Variants in KLHL1 observed in about 807,000 individuals in gnomAD.
The protein encoded by KLHL1 is kelch-like protein 1.
KLHL1 carries 47 observed loss-of-function variants against 77.7 expected under a neutral mutation model. The observed-to-expected ratio is 0.60, with a 90% confidence interval of 0.48 to 0.77. The LOEUF (loss-of-function observed/expected upper bound fraction) is 0.77, where lower values mean the gene tolerates loss of function less well. Ranked by LOEUF, KLHL1 falls within the 30% of genes least tolerant of loss-of-function variation. The probability of loss-of-function intolerance (pLI) is 0.00; values close to 1 mark genes in which losing one functional copy is unlikely to be tolerated. For missense variants in KLHL1, 925 were observed against 910.8 expected (o/e 1.02, Z -0.20); for synonymous variants, 360 against 325.2 (o/e 1.11, Z -1.15).
chr13:69,952,991 T>C (rs1358775302), intron 3 of KLHL1, among the ~76,000 whole-genome samples: 1 of 151,380 alleles, frequency 6.6e-6, no homozygotes, highest in Non-Finnish European at 1.5e-5. Context: ...ATGGTTATTA[T>C]TTAAAAACAT....
intron 6 of KLHL1, among the ~76,000 whole-genome samples, chr13:69,829,005 G>T (rs1018311131): frequency 1.5e-4 from 22 of 150,324 alleles, no homozygotes; most frequent in Non-Finnish European, 4.4e-5. Context: ...TCTCTTAGGA[G>T]CTCTAAGGCC....
chr13:69,893,309 A>G (rs1383918637), intron 4 of KLHL1, among the ~76,000 whole-genome samples: 1 of 145,734 alleles, frequency 6.9e-6, no homozygotes, highest in Non-Finnish European at 1.5e-5. Flanking sequence ...ATCTCGGCTC[A>G]CTGCAAGCTC....
intron 8 of KLHL1, among the ~76,000 whole-genome samples, chr13:69,729,555 CAA>C (rs946045417): frequency 6.6e-6 from 1 of 151,580 alleles, no homozygotes; most frequent in Non-Finnish European, 1.5e-5. Flanking sequence ...AAAAAACAAA[CAA>C]AAAAATGTAA....
intron 8 of KLHL1, among the ~76,000 whole-genome samples, chr13:69,730,278 TG>T (rs1370519311): frequency 0.01 from 1,542 of 151,718 alleles, 23 homozygotes; most frequent in African/African-American, 0.034. Flanking sequence ...TGTGTGTGTG[TG>T]TGTGTGTGTG....
chr13:69,799,898 G>A (rs1422017858), intron 6 of KLHL1, among the ~76,000 whole-genome samples: 5 of 152,192 alleles, frequency 3.3e-5, no homozygotes, highest in Admixed American at 6.5e-5. Flanking sequence ...CAGACCAGCC[G>A]TGGCATTAAA....
At chr13:69,894,407 C>A in intron 4 of KLHL1, 1 of 159,222 alleles carries the variant, frequency 6.3e-6, no homozygotes, top group South Asian at 1.8e-4. Flanking sequence ...GTCTTGTGGC[C>A]ATAACTTTTA....
Position 69,738,033 on chromosome 13 carries a change from G to A in KLHL1, c.1802+2361C>T, listed in dbSNP as rs1873834816. 2.0e-5 allele frequency among the ~76,000 whole-genome samples: 3 copies of A among 152,270 alleles called. No individual in the cohort carries two copies. The South Asian group carries it at 6.2e-4, about 32-fold the overall frequency. On this transcript the variant is annotated intron_variant, in intron 8 of 10. Coordinates refer to ENST00000377844, the MANE Select transcript of KLHL1 (RefSeq NM_020866.3). Reference sequence around the variant, plus strand: ...CTCTGAGACAGAGCTCCATGAAGAAGGAGCAAGCTGCCATCTTTGCTAGTC... The same window carrying A: ...CTCTGAGACAGAGCTCCATGAAGAAAGAGCAAGCTGCCATCTTTGCTAGTC...
chr13:69,753,529 G>C (rs1874576924), intron 7 of KLHL1, among the ~76,000 whole-genome samples: 1 of 152,078 alleles, frequency 6.6e-6, no homozygotes, highest in Non-Finnish European at 1.5e-5. Context: ...ACAGATGGGA[G>C]ACAAATCATA....
intron 4 of KLHL1, among the ~76,000 whole-genome samples, chr13:69,935,673 C>G (rs1883166360): frequency 6.6e-6 from 1 of 151,996 alleles, no homozygotes; most frequent in South Asian, 2.1e-4. Flanking sequence ...CACAAGACTC[C>G]ACAAGTGAAG....
At chr13:70,084,191 A>G (rs1024399225) in intron 1 of KLHL1, among the ~76,000 whole-genome samples, 2 of 151,596 alleles carry the variant, frequency 1.3e-5, no homozygotes, top group Non-Finnish European at 2.9e-5. Context: ...ATACACACAC[A>G]TGTACACACA....
intron 1 of KLHL1, among the ~76,000 whole-genome samples, chr13:70,096,154 A>C (rs1306717748): frequency 2.0e-5 from 3 of 152,124 alleles, no homozygotes; most frequent in Non-Finnish European, 4.4e-5. Context: ...CAATAAACAC[A>C]GGAGAGCAGA....
chr13:69,764,730 T>C (rs1875186965), intron 7 of KLHL1, among the ~76,000 whole-genome samples: 1 of 151,906 alleles, frequency 6.6e-6, no homozygotes, highest in African/African-American at 2.4e-5. Flanking sequence ...AGAATACCTC[T>C]CAACACAGAT....
intron 4 of KLHL1, among the ~76,000 whole-genome samples, chr13:69,892,421 A>C (rs978388150): frequency 6.6e-6 from 1 of 152,106 alleles, no homozygotes; most frequent in African/African-American, 2.4e-5. Context: ...CTCCTCTACA[A>C]CCTTACTAGA....
intron 5 of KLHL1, among the ~76,000 whole-genome samples, chr13:69,842,062 G>A (rs540790872): frequency 2.6e-5 from 4 of 151,924 alleles, no homozygotes; most frequent in African/African-American, 9.6e-5. Flanking sequence ...ATACACAAAT[G>A]TAAGTTGCAA....
At chr13:69,804,648 G>A (rs764622651) in intron 6 of KLHL1, among the ~76,000 whole-genome samples, 8 of 152,060 alleles carry the variant, frequency 5.3e-5, no homozygotes, top group Non-Finnish European at 1.2e-4. Flanking sequence ...AAGCAGCAAT[G>A]GGTGGCAGTG....
chr13:69,857,669 T>C (rs17085536), intron 5 of KLHL1, among the ~76,000 whole-genome samples: 48,310 of 151,762 alleles, frequency 0.32, 8,207 homozygotes, highest in African/African-American at 0.45. Context: ...AAGTTGAATG[T>C]TTGTTCTCTG....
chr13:70,034,809 T>C (rs1465290823), intron 1 of KLHL1, among the ~76,000 whole-genome samples: 3 of 152,188 alleles, frequency 2.0e-5, no homozygotes, highest in Non-Finnish European at 4.4e-5. Context: ...GAGATTAATA[T>C]ATTTTATATC....
At chr13:69,923,825 A>T (rs1593953597) in intron 4 of KLHL1, among the ~76,000 whole-genome samples, 1 of 152,086 alleles carries the variant, frequency 6.6e-6, no homozygotes, top group Non-Finnish European at 1.5e-5. Context: ...GCAGGGCAGG[A>T]GTTTGCACTT....
At chr13:69,836,553 G>A (rs1031660710) in intron 6 of KLHL1, among the ~76,000 whole-genome samples, 1 of 151,920 alleles carries the variant, frequency 6.6e-6, no homozygotes, top group African/African-American at 2.4e-5. Context: ...CCTCACAAAC[G>A]CTAACTCTTT....
Sources: allele counts gnomAD v4.1 joint callset (sites outside exome capture counted in the v4.1 genomes callset), GRCh38; gene constraint gnomAD v4.1.1; transcripts MANE v1.5; gene names NCBI Gene and HGNC (gene_info 2026-07-23, HGNC 2026-07-21).